Variants in AQR observed in about 807,000 individuals in gnomAD.
The protein encoded by AQR is aquarius intron-binding spliceosomal factor, also known as RNA helicase aquarius.
A neutral mutation model predicts 180.5 loss-of-function variants in AQR; 61 were observed. The observed-to-expected ratio is 0.34, with a 90% CI of 0.28 to 0.42. The LOEUF is 0.42. Among genes scored for constraint, AQR ranks in the 10% least tolerant of loss-of-function variants. AQR has a pLI of 1.00. For missense variants in AQR, 1,281 were observed against 1,798.3 expected (o/e 0.71, Z 5.20); for synonymous variants, 551 against 588.8 (o/e 0.94, Z 0.93).
chr15:34,892,967 A>T (rs1204873508), intron 23 of AQR, among the ~76,000 whole-genome samples: 3 of 152,186 alleles, frequency 2.0e-5, no homozygotes, highest in Non-Finnish European at 4.4e-5. Context: ...AAAGTCAGGG[A>T]CCATCTATAC....
intron 2 of AQR, among the ~76,000 whole-genome samples, chr15:34,962,018 T>C (rs966909939): frequency 6.6e-6 from 1 of 151,594 alleles, no homozygotes; most frequent in Non-Finnish European, 1.5e-5. Flanking sequence ...ATGGTAACTA[T>C]AATGTCTTTT....
At chr15:34,928,521 T>C (rs1893800610) in intron 12 of AQR, among the ~76,000 whole-genome samples, 1 of 152,228 alleles carries the variant, frequency 6.6e-6, no homozygotes, top group Non-Finnish European at 1.5e-5. Context: ...GCAAAGGACA[T>C]GATCTCATTC....
chr15:34,862,439 A>C (rs1401104785), intron 33 of AQR, among the ~76,000 whole-genome samples: 1 of 152,206 alleles, frequency 6.6e-6, no homozygotes, highest in African/African-American at 2.4e-5. Flanking sequence ...GGGGTTAATA[A>C]AATAATCTAA....
At chr15:34,934,083 C>G (rs376841961) in intron 10 of AQR, among the ~76,000 whole-genome samples, 1 of 151,454 alleles carries the variant, frequency 6.6e-6, no homozygotes, top group South Asian at 2.1e-4. Context: ...GCCGAGACAG[C>G]GCCACTGCAT....
intron 25 of AQR, 23 bp from the exon 26 acceptor site, chr15:34,884,757 TTA>T: frequency 3.3e-6 from 5 of 1,527,776 alleles, no homozygotes; most frequent in Non-Finnish European, 4.5e-6. Context: ...GGACTTGAAG[TTA>T]ACTGCCAGCT....
At chr15:34,944,894 T>C (rs1161897627) in intron 5 of AQR, among the ~76,000 whole-genome samples, 1 of 152,226 alleles carries the variant, frequency 6.6e-6, no homozygotes, top group African/African-American at 2.4e-5. Context: ...TCAAGCCTCT[T>C]TGACCTACCT....
intron 16 of AQR, 45 bp downstream of exon 16, chr15:34,914,993 T>A: frequency 6.5e-7 from 1 of 1,544,586 alleles, no homozygotes; most frequent in Non-Finnish European, 8.7e-7. Context: ...AGTTTATCAG[T>A]CACTGTTTGC....
chr15:34,882,763 G>T (rs777187682), intron 26 of AQR, 124 bp from the exon 27 acceptor site: 2 of 832,320 alleles, frequency 2.4e-6, no homozygotes, highest in Non-Finnish European at 3.4e-6. Context: ...TAAGCCTAAT[G>T]AATTATAATT....
chr15:34,948,449 A>ACC, intron 4 of AQR, 65 bp from the exon 5 acceptor site: 2 of 1,517,768 alleles, frequency 1.3e-6, no homozygotes, highest in Non-Finnish European at 1.8e-6. Context: ...TACATAACTC[A>ACC]CCCAGAAAAG....
At chr15:34,896,737 T>C (rs1488756074) in intron 22 of AQR, among the ~76,000 whole-genome samples, 160 bp downstream of exon 22, 2 of 152,100 alleles carry the variant, frequency 1.3e-5, no homozygotes, top group African/African-American at 4.8e-5. Flanking sequence ...TAATCTCAGC[T>C]ACTTGGGAGG....
chr15:34,942,150 G>A (rs1039898809), intron 6 of AQR, 70 bp from the exon 7 acceptor site: 55 of 1,170,746 alleles, frequency 4.7e-5, no homozygotes, highest in Non-Finnish European at 2.5e-6. Flanking sequence ...TACATAAGAA[G>A]TATACTGCCT....
chr15:34,916,513 C>T (rs1325229718), intron 15 of AQR, among the ~76,000 whole-genome samples: 3 of 151,574 alleles, frequency 2.0e-5, no homozygotes, highest in African/African-American at 7.3e-5. Flanking sequence ...TATTAGTAAA[C>T]TCTGACTTGT....
intron 3 of AQR, among the ~76,000 whole-genome samples, chr15:34,957,822 T>TA (rs564596260): frequency 1.2e-3 from 173 of 142,520 alleles, no homozygotes; most frequent in Admixed American, 1.8e-3. Context: ...AAAATAATAA[T>TA]AAAAAACGTG....
chr15:34,931,067 A>C (rs1317557701), intron 11 of AQR, among the ~76,000 whole-genome samples: 1 of 151,926 alleles, frequency 6.6e-6, no homozygotes, highest in Admixed American at 6.6e-5. Context: ...CAATCTCCTG[A>C]CCTCATGATC....
intron 23 of AQR, 50 bp downstream of exon 23, chr15:34,893,607 GCACACA>G (rs386382691): frequency 0.031 from 30,549 of 992,856 alleles, 537 homozygotes; most frequent in African/African-American, 0.038. Context: ...GCGCATGCGT[GCACACA>G]CACACACACA....
At chr15:34,867,024 C>T (rs796252046) in intron 32 of AQR, among the ~76,000 whole-genome samples, 101 of 151,996 alleles carry the variant, frequency 6.6e-4, no homozygotes, top group African/African-American at 2.1e-3. Context: ...ATATTATTTC[C>T]GTAAATCTCT....
chr15:34,858,438 G>T (rs1397859951), intron 34 of AQR, among the ~76,000 whole-genome samples: 1 of 151,442 alleles, frequency 6.6e-6, no homozygotes, highest in Non-Finnish European at 1.5e-5. Flanking sequence ...ATTTAAAGAA[G>T]ATCTAAATAA....
chr15:34,922,984 T>A (rs187928845), intron 13 of AQR, among the ~76,000 whole-genome samples: 3 of 152,306 alleles, frequency 2.0e-5, no homozygotes, highest in Admixed American at 1.3e-4. Flanking sequence ...AATTGTTTTA[T>A]TATTATAGGA....
In AQR at chr15:34,858,172, C is replaced by T. The variant is rs567471463; in HGVS notation, c.4144-1066G>A. Among the ~76,000 whole-genome samples the T allele has an allele frequency of 7.9e-5, 12 of 151,658 alleles. No individual in the cohort carries two copies. The East Asian group carries it at 1.9e-3, about 25-fold the overall frequency. ...CTAATTTTTGTATTTTTAGTAGAGA[C>T]GGGGTTTCACCATGTTGGCCAGGCT... On this transcript the variant is annotated intron_variant, in intron 34 of 34. Coordinates refer to ENST00000156471, the MANE Select transcript of AQR (RefSeq NM_014691.3).
Sources: allele counts gnomAD v4.1 joint callset (sites outside exome capture counted in the v4.1 genomes callset), GRCh38; gene constraint gnomAD v4.1.1; transcripts MANE v1.5; gene names NCBI Gene and HGNC (gene_info 2026-07-23, HGNC 2026-07-21).